Variants in RBFOX2 observed in about 807,000 individuals in gnomAD.
RBFOX2 encodes the protein RNA binding fox-1 homolog 2.
In RBFOX2, 10 loss-of-function variants were observed where a neutral mutation model predicts 49.1. The observed-to-expected ratio is 0.20, with a 90% CI of 0.13 to 0.35. The LOEUF (loss-of-function observed/expected upper bound fraction) is 0.35. RBFOX2 is among the 10% of genes least tolerant of loss of function. The pLI is 1.00. For synonymous variants in RBFOX2, 183 were observed against 187.4 expected (o/e 0.98, Z 0.19); for missense variants, 323 against 486.9 (o/e 0.66, Z 3.17).
At chr22:35,770,661 A>T (rs1283516180) in intron 4 of RBFOX2, among the ~76,000 whole-genome samples, 1 of 152,162 alleles carries the variant, frequency 6.6e-6, no homozygotes, top group Non-Finnish European at 1.5e-5. Flanking sequence ...TCTAATTGCT[A>T]AGTATCTTCC....
intron 1 of RBFOX2, among the ~76,000 whole-genome samples, chr22:35,816,041 C>T (rs2148325384): frequency 6.6e-6 from 1 of 152,062 alleles, no homozygotes; most frequent in African/African-American, 2.4e-5. Flanking sequence ...GAAGACAACA[C>T]TGGATTTAAA....
chr22:36,001,106 AAAG>A (rs2058396668), intron 1 of RBFOX2, among the ~76,000 whole-genome samples: 1 of 152,026 alleles, frequency 6.6e-6, no homozygotes, highest in Admixed American at 6.6e-5. Flanking sequence ...TCCTTCTCAG[AAAG>A]AAGATCCAAG....
intron 1 of RBFOX2, among the ~76,000 whole-genome samples, chr22:35,862,737 T>C (rs1351205013): frequency 6.6e-6 from 1 of 152,190 alleles, no homozygotes; most frequent in Non-Finnish European, 1.5e-5. Flanking sequence ...GCTCCATAAC[T>C]TCTTAGCTGT....
At chr22:35,853,292 TA>T (rs11289647) in intron 1 of RBFOX2, among the ~76,000 whole-genome samples, 31,239 of 129,630 alleles carry the variant, frequency 0.24, 5,181 homozygotes, top group African/African-American at 0.5. Context: ...AGCCTCTGTC[TA>T]AAAAAAAAAA....
At chr22:35,824,996 G>A (rs1454351362) in intron 1 of RBFOX2, among the ~76,000 whole-genome samples, 2 of 152,184 alleles carry the variant, frequency 1.3e-5, no homozygotes, top group Non-Finnish European at 2.9e-5. Flanking sequence ...GAGGCGGGTG[G>A]ATCACATGAG....
rs2055835969 is a variant in RBFOX2 at position 35,958,433 on chromosome 22, AATCCTGCCT to A, written c.42+3121_42+3129del. Among the ~76,000 whole-genome samples the A allele has an allele frequency of 4.6e-5, 7 of 152,300 alleles. No individual in the cohort carries two copies. In the South Asian group the frequency reaches 1.2e-3, roughly 27 times the overall value. Reference sequence around the variant, plus strand: ...TTTTTATTATATGCTTTGAGTTCACAATCCTGCCTATCCCTAAGTCCATTAAGATCTGGG... The same window carrying A: ...TTTTTATTATATGCTTTGAGTTCACAATCCCTAAGTCCATTAAGATCTGGG... On this transcript the variant is annotated intron_variant, in intron 1 of 5. Transcript: ENST00000408983.
At chr22:36,026,471 G>C (rs1213334004) in intron 1 of RBFOX2, among the ~76,000 whole-genome samples, 1 of 151,604 alleles carries the variant, frequency 6.6e-6, no homozygotes, top group Non-Finnish European at 1.5e-5. Context: ...ATAGGCCCCA[G>C]GAGTAAATGA....
chr22:35,910,822 A>T (rs2049725239), intron 1 of RBFOX2, among the ~76,000 whole-genome samples: 1 of 152,226 alleles, frequency 6.6e-6, no homozygotes, highest in Non-Finnish European at 1.5e-5. Context: ...GGGCTTTACC[A>T]TTCTATCCCA....
intron 1 of RBFOX2, among the ~76,000 whole-genome samples, chr22:35,871,705 G>C (rs183288243): frequency 6.6e-6 from 1 of 152,270 alleles, no homozygotes; most frequent in East Asian, 1.9e-4. Context: ...GCTCAAAAGA[G>C]GCACTGACAA....
intron 2 of RBFOX2, among the ~76,000 whole-genome samples, chr22:35,804,443 A>T (rs1950326530): frequency 6.6e-6 from 1 of 152,234 alleles, no homozygotes; most frequent in South Asian, 2.1e-4. Flanking sequence ...ACTCCTAGAC[A>T]CATCATAGAG....
At chr22:35,805,771 G>A (rs1288497590) in intron 2 of RBFOX2, among the ~76,000 whole-genome samples, 1 of 152,136 alleles carries the variant, frequency 6.6e-6, no homozygotes, top group East Asian at 1.9e-4. Context: ...GGTACATACA[G>A]ACCAATGGGT....
chr22:35,810,129 G>T, intron 1 of RBFOX2, 125 bp from the exon 3 acceptor site: 1 of 912,176 alleles, frequency 1.1e-6, no homozygotes, highest in Non-Finnish European at 1.7e-6. Flanking sequence ...AATGCTTATT[G>T]CTCCAGGATT....
chr22:35,788,872 G>A (rs1035649152), intron 2 of RBFOX2, among the ~76,000 whole-genome samples: 1 of 152,048 alleles, frequency 6.6e-6, no homozygotes, highest in East Asian at 1.9e-4. Context: ...TTGTGTTATC[G>A]GGTGATGATT....
chr22:35,949,526 G>T (rs1363874153), intron 1 of RBFOX2, among the ~76,000 whole-genome samples: 2 of 152,186 alleles, frequency 1.3e-5, no homozygotes, highest in Non-Finnish European at 2.9e-5. Flanking sequence ...CACCGGCAAA[G>T]CACAAGAGTT....
At chr22:35,777,956 A>G in intron 4 of RBFOX2, 69 bp downstream of exon 5, 1 of 1,412,876 alleles carries the variant, frequency 7.1e-7, no homozygotes, top group Non-Finnish European at 9.9e-7. Context: ...TTTTCTGAAT[A>G]CTTGCTATTT....
Position 35,971,912 on chromosome 22 carries a change from TAAAAAAAAAAA to T in RBFOX2, c.187-33026_187-33016del, listed in dbSNP as rs527896726. On this transcript the variant is annotated intron_variant, in intron 1 of 13. Transcript: ENST00000438146. ...GCCTTTCCTTTTTTCTTTTTCTCCC[TAAAAAAAAAAA>T]AAAAAAAAAAAAAAACACTCTCTAA... Among the ~76,000 whole-genome samples the T allele has an allele frequency of 6.6e-3, 372 of 56,606 alleles. 4 individuals carry two copies. The highest frequency in any genetic ancestry group is 0.023 in the African/African-American group (354 of 15,162). 37.1% of individuals were successfully genotyped at this position (56,606 alleles called of 152,430 possible).
intron 1 of RBFOX2, chr22:35,897,314 C>T (rs775823038): frequency 5.8e-5 from 87 of 1,491,082 alleles, no homozygotes; most frequent in Non-Finnish European, 7.3e-5. Flanking sequence ...CAGCAGACAG[C>T]CAGCAGTAAG....
intron 9 of RBFOX2, among the ~76,000 whole-genome samples, chr22:35,756,442 T>C (rs1006321853): frequency 1.3e-5 from 2 of 152,174 alleles, no homozygotes; most frequent in Admixed American, 1.3e-4. Flanking sequence ...AAGAGCCTAT[T>C]ATATCTATCC....
intron 2 of RBFOX2, among the ~76,000 whole-genome samples, chr22:35,790,020 T>A (rs1947287503): frequency 6.6e-6 from 1 of 152,176 alleles, no homozygotes; most frequent in Admixed American, 6.5e-5. Context: ...GTCAGGTTCT[T>A]CAAAAAAGTC....
Sources: allele counts gnomAD v4.1 joint callset (sites outside exome capture counted in the v4.1 genomes callset), GRCh38; gene constraint gnomAD v4.1.1; transcripts MANE v1.5; gene names NCBI Gene and HGNC (gene_info 2026-07-23, HGNC 2026-07-21).